ACTG2: variants seen among roughly 807,000 people sequenced by gnomAD.
The protein encoded by ACTG2 is actin, gamma-enteric smooth muscle.
In ACTG2, 16 loss-of-function variants were observed where a neutral mutation model predicts 37.6. The observed-to-expected ratio is 0.43, with a 90% CI of 0.29 to 0.65. The LOEUF (loss-of-function observed/expected upper bound fraction) is 0.65, where lower values mean the gene tolerates loss of function less well. Ranked by LOEUF, ACTG2 falls within the 30% of genes least tolerant of loss-of-function variation. The probability of loss-of-function intolerance (pLI) is 0.18; values close to 1 mark genes in which losing one functional copy is unlikely to be tolerated. For synonymous variants in ACTG2, 181 were observed against 179.9 expected (o/e 1.01, Z -0.05); for missense variants, 238 against 490.9 (o/e 0.48, Z 4.87).
intron 2 of ACTG2, among the ~76,000 whole-genome samples, chr2:73,902,041 C>CTGTGTGTGTGTCTG (rs369256932): frequency 7.6e-6 from 1 of 131,286 alleles, no homozygotes; most frequent in Non-Finnish European, 1.6e-5. Flanking sequence ...GTGTGTGTGT[C>CTGTGTGTGTGTCTG]TGTGTGTGTG....
At chr2:73,914,479 A>C (rs1284981493) in intron 6 of ACTG2, among the ~76,000 whole-genome samples, 1 of 151,640 alleles carries the variant, frequency 6.6e-6, no homozygotes, top group Admixed American at 6.6e-5. Context: ...GAATTGCTTG[A>C]ACTCAGGAGG....
intron 1 of ACTG2, among the ~76,000 whole-genome samples, chr2:73,900,270 T>G (rs1019308875): frequency 3.3e-5 from 5 of 152,208 alleles, no homozygotes; most frequent in African/African-American, 9.6e-5. Flanking sequence ...CACTGGGTCC[T>G]CCCAGGGTAG....
intron 3 of ACTG2, 141 bp from the exon 4 acceptor site, chr2:73,908,532 T>C (rs758469741): frequency 9.6e-6 from 7 of 728,042 alleles, no homozygotes; most frequent in Non-Finnish European, 1.6e-5. Context: ...AATCAGAAAT[T>C]TCCAGGGCTG....
intron 3 of ACTG2, among the ~76,000 whole-genome samples, chr2:73,906,430 G>A (rs1037155304): frequency 6.6e-6 from 1 of 151,220 alleles, no homozygotes; most frequent in Admixed American, 6.6e-5. Flanking sequence ...CAGCCTGGGC[G>A]ACAGAGCAAG....
At chr2:73,901,212 A>G in intron 1 of ACTG2, 64 bp from the exon 2 acceptor site, 2 of 1,341,062 alleles carry the variant, frequency 1.5e-6, no homozygotes, top group Non-Finnish European at 2.0e-6. Flanking sequence ...CCCAAAGCCA[A>G]GAAACTGTCT....
Position 73,893,051 on chromosome 2 carries a change from G to T in ACTG2, c.-37G>T, listed in dbSNP as rs1342924968. On this transcript the variant is annotated splice_region_variant and 5_prime_UTR_variant, in exon 1 of 9. Coordinates refer to ENST00000345517, the MANE Select transcript of ACTG2 (RefSeq NM_001615.4). ...TGGGAGAAGAACCTCTCATACCCTC[G>T]GTAAGTACTGTACGGCTTTTGCCAC... is the stretch of plus-strand genomic sequence containing the variant. The T allele has an allele frequency of 6.6e-6, 1 of 152,258 alleles. No homozygotes were observed. The highest frequency in any genetic ancestry group is 1.5e-5 in the Non-Finnish European group (1 of 68,138). 9.4% of individuals were successfully genotyped at this position (152,258 alleles called of 1,614,324 possible).
intron 1 of ACTG2, among the ~76,000 whole-genome samples, chr2:73,895,715 T>C (rs1158898840): frequency 2.0e-5 from 3 of 152,244 alleles, no homozygotes; most frequent in South Asian, 2.1e-4. Context: ...GATCATTCAA[T>C]TCCTTTCAAT....
At position 73,901,338 on chromosome 2, in the gene ACTG2, C is replaced by G; in HGVS notation, c.27C>G (p.Leu9=). MCEEETTA[L]VCDNGSGLCK... ...TGTGTGAAGAGGAGACCACCGCGCT[C>G]GTGTGTGACAATGGCTCTGGCCTGT... is the stretch of plus-strand genomic sequence containing the variant. Residue 9 remains leucine, a synonymous_variant, in exon 2 of 9, where the codon CTC becomes CTG. Coordinates refer to ENST00000345517, the MANE Select transcript of ACTG2 (RefSeq NM_001615.4). The G allele has an allele frequency of 6.2e-7, 1 of 1,612,184 alleles. No homozygotes were observed. The highest frequency in any genetic ancestry group is 8.5e-7 in the Non-Finnish European group (1 of 1,178,728).
chr2:73,909,110 TCTCC>T lies in ACTG2; in HGVS notation c.426_429del (p.Leu143MetfsTer48), dbSNP rs1485579381. Reference sequence around the variant, plus strand: ...ATGTACGTCGCCATTCAAGCTGTGCTCTCCCTCTATGCCTCTGGCCGCACGACAG... The same window carrying T: ...ATGTACGTCGCCATTCAAGCTGTGCTCTCTATGCCTCTGGCCGCACGACAG... On this transcript the variant is annotated frameshift_variant, in exon 5 of 9. Transcript: ENST00000345517. LOFTEE classifies it high-confidence loss of function. 1 of 1,614,096 alleles carries T rather than the reference TCTCC, an allele frequency of 6.2e-7. No individual in the cohort carries two copies. The highest frequency in any genetic ancestry group is 8.5e-7 in the Non-Finnish European group (1 of 1,179,938).
At chr2:73,913,332 T>C (rs1174786258) in intron 5 of ACTG2, among the ~76,000 whole-genome samples, 153 bp from the exon 6 acceptor site, 1 of 152,020 alleles carries the variant, frequency 6.6e-6, no homozygotes, top group Non-Finnish European at 1.5e-5. Context: ...ACATAAAAAA[T>C]AAAAAATATG....
intron 3 of ACTG2, among the ~76,000 whole-genome samples, chr2:73,905,079 T>C (rs1231222426): frequency 6.6e-6 from 1 of 151,874 alleles, no homozygotes; most frequent in Non-Finnish European, 1.5e-5. Context: ...ATATAATAAA[T>C]GAAACTTCCA....
rs934025246 is a variant in ACTG2 at position 73,908,996 on chromosome 2, A to C, written c.367-59A>C. 3.3e-6 allele frequency: 5 copies of C among 1,518,168 alleles called. No individual in the cohort carries two copies. In the African/African-American group the frequency reaches 6.8e-5, roughly 21 times the overall value. The allele number at this position is 1,518,168 out of a possible 1,614,324, so 94.0% of individuals were successfully genotyped here. A position where few individuals can be genotyped will look rare whatever the true frequency, so the allele number is the denominator to read the frequency against. On this transcript the variant is annotated intron_variant, in intron 4 of 8. Coordinates refer to ENST00000345517, the MANE Select transcript of ACTG2 (RefSeq NM_001615.4). ...TTAATGAGATTACAAACCATTCTAC[A>C]GGCCAAGAAGTGCTGTGATTTTTGC... is the stretch of plus-strand genomic sequence containing the variant.
At position 73,913,513 on chromosome 2, in the gene ACTG2, C is replaced by T. The variant is rs2104820973; in HGVS notation, c.480C>T (p.Val160=). 1 of 1,611,610 alleles carries T rather than the reference C, an allele frequency of 6.2e-7. No individual in the cohort carries two copies. The highest frequency in any genetic ancestry group is 8.5e-7 in the Non-Finnish European group (1 of 1,178,296). ...TCGTCCTGGATTCAGGTGATGGCGT[C>T]ACCCACAATGTCCCCATCTATGAAG... ...TGIVLDSGDG[V]THNVPIYEGY... is the part of the protein sequence containing the mutation. Residue 160 remains valine (V), a synonymous_variant, in exon 6 of 9, where the codon GTC becomes GTT. Transcript: ENST00000345517.
chr2:73,914,297 C>T lies in ACTG2; in HGVS notation c.614-383C>T, dbSNP rs374806714. Among the ~76,000 whole-genome samples the T allele has an allele frequency of 9.3e-4, 141 of 152,230 alleles. 2 individuals carry two copies. Among genetic ancestry groups the T allele is most frequent in the South Asian group, 6.4e-3 (31 of 4,822 alleles). On this transcript the variant is annotated intron_variant, in intron 6 of 8. Coordinates refer to ENST00000345517, the MANE Select transcript of ACTG2 (RefSeq NM_001615.4). ...ACGTGAGGCCAGGCGTGGTGGCTCA[C>T]GCCTGTAATCCCAGTACTTTGGGAG...
At chr2:73,905,046 C>T (rs540483439) in intron 3 of ACTG2, among the ~76,000 whole-genome samples, 2 of 150,948 alleles carry the variant, frequency 1.3e-5, no homozygotes, top group South Asian at 2.1e-4. Context: ...AATTTGATAC[C>T]AGCAAAAAGG....
intron 5 of ACTG2, among the ~76,000 whole-genome samples, chr2:73,910,422 A>C (rs1168642317): frequency 9.5e-6 from 1 of 105,428 alleles, no homozygotes; most frequent in Non-Finnish European, 1.7e-5. Context: ...GCTGGAGTGC[A>C]GTAGCGTGAT....
At chr2:73,915,426 G>A (rs537153665) in intron 7 of ACTG2, among the ~76,000 whole-genome samples, 2 of 151,746 alleles carry the variant, frequency 1.3e-5, no homozygotes, top group Non-Finnish European at 2.9e-5. Flanking sequence ...AGGCTGAGGT[G>A]GGAGAATCGC....
At chr2:73,908,575 T>A (rs1213436294) in intron 3 of ACTG2, 98 bp from the exon 4 acceptor site, 1 of 1,017,174 alleles carries the variant, frequency 9.8e-7, no homozygotes, top group African/African-American at 1.6e-5. Context: ...TCCCATCCTG[T>A]GTAACATGGT....
Position 73,914,714 on chromosome 2 carries a change from G to T in ACTG2, c.648G>T (p.Lys216Asn). 6.2e-7 allele frequency: 1 copy of T among 1,604,880 alleles called. No individual in the cohort carries two copies. The highest frequency in any genetic ancestry group is 8.5e-7 in the Non-Finnish European group (1 of 1,175,300). ...AAATTGTGCGAGACATCAAGGAGAA[G>T]CTGTGCTATGTGGCCCTGGATTTTG... ...EREIVRDIKE[K>N]LCYVALDFEN... Residue 216 changes from lysine (K) to asparagine (N), a missense_variant, in exon 7 of 9, where the codon AAG becomes AAT. By Grantham distance (94) the Lys-to-Asn change is moderately conservative (BLOSUM62 0). Coordinates refer to ENST00000345517, the MANE Select transcript of ACTG2 (RefSeq NM_001615.4).
Sources: gnomAD v4.1 joint callset for allele counts (sites outside exome capture counted in the v4.1 genomes callset) on GRCh38, gnomAD v4.1.1 for gene constraint, MANE v1.5 for transcripts, NCBI Gene and HGNC (gene_info 2026-07-23, HGNC 2026-07-21) for gene names.